Variants in PBX4 observed in about 807,000 individuals in gnomAD.
The protein encoded by PBX4 is pre-B-cell leukemia transcription factor 4.
Under a neutral mutation model 35.1 loss-of-function variants are expected in PBX4, and 26 were observed. The ratio of observed to expected loss-of-function variants is 0.74; its 90% confidence interval spans 0.54 to 1.03. The LOEUF is 1.03. PBX4 is among the 50% of genes least tolerant of loss of function. The pLI is 0.00. For synonymous variants in PBX4, 199 were observed against 204.2 expected (o/e 0.97, Z 0.22); for missense variants, 448 against 504.3 (o/e 0.89, Z 1.07).
intron 1 of PBX4, among the ~76,000 whole-genome samples, chr19:19,605,715 C>T (rs2061626854): frequency 6.6e-6 from 1 of 151,880 alleles, no homozygotes. Context: ...AGTAATCCTC[C>T]CACTTTGGCC....
intron 1 of PBX4, among the ~76,000 whole-genome samples, chr19:19,616,537 G>A (rs1428815527): frequency 6.6e-6 from 1 of 151,870 alleles, no homozygotes; most frequent in East Asian, 1.9e-4. Flanking sequence ...GGCTGGTCTC[G>A]AACTCTTGAC....
chr19:19,604,439 T>C (rs1202877229), intron 1 of PBX4, among the ~76,000 whole-genome samples: 2 of 111,868 alleles, frequency 1.8e-5, no homozygotes, highest in Admixed American at 1.3e-4. Context: ...TGCACTCCCG[T>C]CTGGGCAACA....
Position 19,562,989 on chromosome 19 carries a change from C to T in PBX4, c.1032+520G>A, listed in dbSNP as rs996113864. 2.0e-5 allele frequency among the ~76,000 whole-genome samples: 3 copies of T among 152,152 alleles called. No homozygotes were observed. The highest frequency in any genetic ancestry group is 7.2e-5 in the African/African-American group (3 of 41,424). The stretch of plus-strand genomic sequence containing the variant: ...AGAGTGGTGAGTTGGGAGGGGCACC[C>T]GGCTCTGCAGTGCCCTGGCACACAC... On this transcript the variant is annotated intron_variant, in intron 7 of 7. Transcript: ENST00000251203. The surrounding 1 kb of genome is among the most constrained non-coding windows in gnomAD (Gnocchi z 4.8).
intron 2 of PBX4, among the ~76,000 whole-genome samples, chr19:19,599,071 C>T (rs1438668963): frequency 3.3e-5 from 5 of 151,944 alleles, no homozygotes; most frequent in Non-Finnish European, 7.4e-5. Context: ...CAGGTTCAAG[C>T]GATTCTCCTA....
chr19:19,599,388 G>A (rs576800433), intron 1 of PBX4, 23 bp from the exon 2 acceptor site: 1 of 1,597,182 alleles, frequency 6.3e-7, no homozygotes, highest in Non-Finnish European at 8.6e-7. Context: ...TGACAGAGGA[G>A]GGTGTGAGAA....
intron 1 of PBX4, among the ~76,000 whole-genome samples, chr19:19,611,992 G>A (rs2061665102): frequency 6.6e-6 from 1 of 152,070 alleles, no homozygotes; most frequent in African/African-American, 2.4e-5. Context: ...GTTAAGGCCA[G>A]GCACAGTGGC....
chr19:19,578,381 C>G (rs2061433521), intron 2 of PBX4, among the ~76,000 whole-genome samples: 1 of 152,118 alleles, frequency 6.6e-6, no homozygotes, highest in East Asian at 1.9e-4. Flanking sequence ...TTTGTGCTCC[C>G]CGTACACTGA....
chr19:19,582,941 AG>A (rs1306228440), intron 2 of PBX4, among the ~76,000 whole-genome samples: 1 of 152,230 alleles, frequency 6.6e-6, no homozygotes, highest in Non-Finnish European at 1.5e-5. Flanking sequence ...ACACCCTGCA[AG>A]GGGGAAAAGG....
intron 2 of PBX4, among the ~76,000 whole-genome samples, chr19:19,573,328 T>TACACACACACACAC (rs1387587008): frequency 6.5e-5 from 6 of 92,120 alleles, no homozygotes; most frequent in South Asian, 8.2e-4. Context: ...AAAAAAAAAA[T>TACACACACACACAC]ATACACACAC....
At chr19:19,578,496 A>G (rs527244827) in intron 2 of PBX4, among the ~76,000 whole-genome samples, 62 of 152,178 alleles carry the variant, frequency 4.1e-4, no homozygotes, top group Admixed American at 1.1e-3. Context: ...CAGCTCCCCC[A>G]GGGCCCTTGA....
chr19:19,576,052 G>A (rs1243751122), intron 2 of PBX4, among the ~76,000 whole-genome samples: 1 of 152,098 alleles, frequency 6.6e-6, no homozygotes, highest in African/African-American at 2.4e-5. Flanking sequence ...GGTGTGAAAT[G>A]CAGGGCTGCC....
intron 5 of PBX4, 111 bp from the exon 6 acceptor site, chr19:19,565,200 A>C: frequency 7.7e-7 from 1 of 1,292,546 alleles, no homozygotes; most frequent in East Asian, 2.3e-5. Context: ...AGAAGACAAC[A>C]CTGCACCCTG....
intron 1 of PBX4, among the ~76,000 whole-genome samples, chr19:19,607,394 A>C (rs1485491877): frequency 6.6e-6 from 1 of 152,124 alleles, no homozygotes; most frequent in Non-Finnish European, 1.5e-5. Flanking sequence ...TTATGAGAAA[A>C]ATTCGAAAAA....
rs753893364 is a variant in PBX4, at chr19:19,604,466, C to CAAAAAAAA, written c.120-5109_120-5102dup. Among the ~76,000 whole-genome samples the CAAAAAAAA allele has an allele frequency of 5.5e-5, 4 of 72,102 alleles. 1 individual carries two copies. The highest frequency in any genetic ancestry group is 1.3e-4 in the African/African-American group (2 of 15,336). The allele number at this position is 72,102 out of a possible 152,430, so 47.3% of individuals were successfully genotyped here. On this transcript the variant is annotated intron_variant, in intron 1 of 7. Transcript: ENST00000251203. The stretch of plus-strand genomic sequence containing the variant: ...TGGGCAACAGAGCGAGATTCCATCT[C>CAAAAAAAA]AAAAAAAAAAAAGGAATACAACTGG...
chr19:19,568,344 C>T (rs1390969819), intron 5 of PBX4, among the ~76,000 whole-genome samples: 1 of 139,212 alleles, frequency 7.2e-6, no homozygotes, highest in Non-Finnish European at 1.6e-5. Flanking sequence ...GCTCACACTC[C>T]ATCTGTATCC....
At chr19:19,576,640 T>G (rs2061421287) in intron 2 of PBX4, among the ~76,000 whole-genome samples, 2 of 152,126 alleles carry the variant, frequency 1.3e-5, no homozygotes, top group South Asian at 2.1e-4. Flanking sequence ...TTATTATTTT[T>G]GGGGTCTGTC....
At chr19:19,591,505 C>G (rs1221717225) in intron 2 of PBX4, among the ~76,000 whole-genome samples, 1 of 152,232 alleles carries the variant, frequency 6.6e-6, no homozygotes, top group African/African-American at 2.4e-5. Flanking sequence ...TACAGCACAG[C>G]AAGGGTTCCT....
intron 2 of PBX4, among the ~76,000 whole-genome samples, chr19:19,598,217 T>C (rs948396221): frequency 3.3e-5 from 5 of 152,108 alleles, no homozygotes; most frequent in Non-Finnish European, 5.9e-5. Flanking sequence ...TCTGAAGGTG[T>C]TGACGAGACA....
chr19:19,605,741 A>G (rs966180246), intron 1 of PBX4, among the ~76,000 whole-genome samples: 1 of 151,658 alleles, frequency 6.6e-6, no homozygotes, highest in Non-Finnish European at 1.5e-5. Flanking sequence ...AAGTGTTAGG[A>G]TTACAGGCGT....
Sources: allele counts gnomAD v4.1 joint callset (sites outside exome capture counted in the v4.1 genomes callset), GRCh38; gene constraint gnomAD v4.1.1; non-coding constraint Gnocchi (gnomAD v3.1); transcripts MANE v1.5; gene names NCBI Gene and HGNC (gene_info 2026-07-23, HGNC 2026-07-21).